The following AQP1 variants were observed in gnomAD, a reference collection of about 807,000 sequenced individuals.
AQP1 encodes the protein aquaporin-1.
In AQP1, 11 loss-of-function variants were observed where a neutral mutation model predicts 19.7. That is an observed-to-expected ratio of 0.56 (90% confidence interval 0.35 to 0.92). AQP1 has a LOEUF of 0.92. AQP1 is among the 40% of genes least tolerant of loss of function. The pLI is 0.01. For missense variants in AQP1, 320 were observed against 369.7 expected (o/e 0.87, Z 1.10); for synonymous variants, 159 against 166.7 (o/e 0.95, Z 0.36).
At chr7:30,914,940 A>C (rs1342085630) in intron 1 of AQP1, among the ~76,000 whole-genome samples, 2 of 152,156 alleles carry the variant, frequency 1.3e-5, no homozygotes, top group Non-Finnish European at 2.9e-5. Context: ...TAGTTCTAAG[A>C]GCCAAATACC....
At chr7:30,921,157 C>G (rs1448552623) in intron 1 of AQP1, 2 of 529,902 alleles carry the variant, frequency 3.8e-6, no homozygotes, top group African/African-American at 2.0e-5. Context: ...TGTGAGTGCA[C>G]TTAGCCCCTG....
In AQP1 at chr7:30,923,660, G is replaced by A; in HGVS notation, c.*31G>A. The stretch of plus-strand genomic sequence containing the variant: ...GTCTGGCCCGGGCATCCACGTAGGG[G>A]GCAGGGGCAGGGGCGGGCGGAGGGA... On this transcript the variant is annotated 3_prime_UTR_variant, in exon 4 of 4. Coordinates refer to ENST00000311813, the MANE Select transcript of AQP1 (RefSeq NM_198098.4). This position sits in a 1 kb window ranked among gnomAD's most constrained non-coding sequence, Gnocchi z 4.8. The A allele has an allele frequency of 1.3e-6, 2 of 1,580,732 alleles. No individual in the cohort carries two copies. Among genetic ancestry groups the A allele is most frequent in the South Asian group, 2.3e-5 (2 of 86,938 alleles).
At chr7:30,922,914 A>C (rs1162188353) in intron 3 of AQP1, among the ~76,000 whole-genome samples, 1 of 152,132 alleles carries the variant, frequency 6.6e-6, no homozygotes, top group African/African-American at 2.4e-5. Context: ...GGGGCTCCAA[A>C]TCCTGGCTCA....
At chr7:30,916,280 C>T (rs1791349016) in intron 1 of AQP1, among the ~76,000 whole-genome samples, 1 of 152,240 alleles carries the variant, frequency 6.6e-6, no homozygotes, top group Non-Finnish European at 1.5e-5. Flanking sequence ...GCCTTCCCTT[C>T]TCCACCCCAG....
In AQP1 at chr7:30,912,068, G is replaced by A. The variant is rs200596948; in HGVS notation, c.159G>A (p.Ser53=). Reference sequence around the variant, plus strand: ...CGGTCCAGGACAACGTGAAGGTGTCGCTGGCCTTCGGGCTGAGCATCGCCA... The same window carrying A: ...CGGTCCAGGACAACGTGAAGGTGTCACTGGCCTTCGGGCTGAGCATCGCCA... ...QTAVQDNVKV[S]LAFGLSIATL... The change falls in exon 1 of 4, where the codon TCG becomes TCA. Residue 53 remains serine, a synonymous_variant. Transcript: ENST00000311813. This position sits in a 1 kb window ranked among gnomAD's most constrained non-coding sequence, Gnocchi z 4.3. 39 of 1,613,430 alleles carry A rather than the reference G, an allele frequency of 2.4e-5. No individual in the cohort carries two copies. Among genetic ancestry groups the A allele is most frequent in the Non-Finnish European group, 3.1e-5 (36 of 1,180,040 alleles).
chr7:30,921,103 C>A (rs770780798), intron 1 of AQP1, among the ~76,000 whole-genome samples: 4 of 152,176 alleles, frequency 2.6e-5, no homozygotes, highest in Non-Finnish European at 4.4e-5. Flanking sequence ...CTCAAGTGGG[C>A]ATCTTTGCAA....
chr7:30,916,351 C>A (rs2128589150), intron 1 of AQP1, among the ~76,000 whole-genome samples: 1 of 152,356 alleles, frequency 6.6e-6, no homozygotes, highest in East Asian at 1.9e-4. Context: ...CAGATGGTAC[C>A]CCCACTTAGT....
chr7:30,921,638 T>C, intron 1 of AQP1: 1 of 1,550,754 alleles, frequency 6.4e-7, no homozygotes, highest in South Asian at 1.2e-5. Context: ...TGAAGCCGTG[T>C]CCCCTGCTGG....
In AQP1 at chr7:30,925,337, G is replaced by A. The variant is rs1791650635; in HGVS notation, c.*1708G>A. The A allele has an allele frequency of 6.6e-6, 1 of 152,254 alleles. No individual in the cohort carries two copies. Among genetic ancestry groups the A allele is most frequent in the Non-Finnish European group, 1.5e-5 (1 of 68,104 alleles). The allele number at this position is 152,254 out of a possible 1,614,324, so 9.4% of individuals were successfully genotyped here. A position where few individuals can be genotyped will look rare whatever the true frequency, so the allele number is the denominator to read the frequency against. On this transcript the variant is annotated 3_prime_UTR_variant, in exon 4 of 4. Transcript: ENST00000311813. ...GCTTCTCAGTTTCTGCCTGGGCAAT[G>A]GCCAGGGGCCAGGAGTGGGGAGAGT...
rs1243314680 is a variant in AQP1, at chr7:30,924,163, C to T, written c.*534C>T. 1.0e-5 allele frequency: 12 copies of T among 1,158,764 alleles called. No individual in the cohort carries two copies. Among genetic ancestry groups the T allele is most frequent in the Middle Eastern group, 3.9e-4 (1 of 2,572 alleles). The allele number at this position is 1,158,764 out of a possible 1,614,324, so 71.8% of individuals were successfully genotyped here. On this transcript the variant is annotated 3_prime_UTR_variant, in exon 4 of 4. Coordinates refer to ENST00000311813, the MANE Select transcript of AQP1 (RefSeq NM_198098.4). ...CTTGCTCCCAAGCCCCTGACCCGCT[C>T]GGACTTACTGCCTGACCTTGGAATC...
chr7:30,916,607 C>G (rs1319916279), intron 1 of AQP1, among the ~76,000 whole-genome samples: 4 of 152,246 alleles, frequency 2.6e-5, no homozygotes, highest in Non-Finnish European at 5.9e-5. Flanking sequence ...TTCACTCAGC[C>G]AGGAGCTACA....
At chr7:30,913,621 C>T (rs978627830) in intron 1 of AQP1, among the ~76,000 whole-genome samples, 13 of 152,136 alleles carry the variant, frequency 8.5e-5, no homozygotes, top group African/African-American at 2.9e-4. Context: ...CCAGGAGAGG[C>T]TAGGTGAAGG....
At chr7:30,913,356 A>G in intron 1 of AQP1, 1 of 152,500 alleles carries the variant, frequency 6.6e-6, no homozygotes, top group Non-Finnish European at 1.5e-5. Flanking sequence ...AGACTGGGGA[A>G]GGCTTGGAGG....
chr7:30,915,172 T>G (rs909018653), intron 1 of AQP1, among the ~76,000 whole-genome samples: 2 of 151,918 alleles, frequency 1.3e-5, no homozygotes, highest in African/African-American at 4.8e-5. Context: ...CTTTTTTCAT[T>G]CTTCTGCTGT....
intron 1 of AQP1, chr7:30,921,572 GC>G: frequency 6.5e-7 from 1 of 1,548,000 alleles, no homozygotes; most frequent in Non-Finnish European, 8.7e-7. Context: ...GGCCTCCTCA[GC>G]CCTGGAATTT....
rs536588464 is a variant in AQP1 at position 30,918,562 on chromosome 7, G to A, written c.385-3504G>A. 8.5e-5 allele frequency among the ~76,000 whole-genome samples: 13 copies of A among 152,296 alleles called. No homozygotes were observed. The South Asian group carries it at 2.7e-3, about 32-fold the overall frequency. Reference sequence around the variant, plus strand: ...GGAGGCACTGGGGTGGGCAGGGCAGGCCTCGATGTCTCCTATCCCTTGAGA... The same window carrying A: ...GGAGGCACTGGGGTGGGCAGGGCAGACCTCGATGTCTCCTATCCCTTGAGA... On this transcript the variant is annotated intron_variant, in intron 1 of 3. Transcript: ENST00000311813.
At position 30,912,481 on chromosome 7, in the gene AQP1, T is replaced by C. The variant is rs1791192669; in HGVS notation, c.384+188T>C. Among the ~76,000 whole-genome samples the C allele has an allele frequency of 6.6e-6, 1 of 152,204 alleles. No homozygotes were observed. The highest frequency in any genetic ancestry group is 1.5e-5 in the Non-Finnish European group (1 of 68,040). ...TCAGCTATGCATGCCTCCCAAAGCC[T>C]GTTTTCTGCCAGGCACTGTGGGAAG... is the stretch of plus-strand genomic sequence containing the variant. On this transcript the variant is annotated intron_variant, in intron 1 of 3. Coordinates refer to ENST00000311813, the MANE Select transcript of AQP1 (RefSeq NM_198098.4). The surrounding 1 kb of genome is among the most constrained non-coding windows in gnomAD (Gnocchi z 4.3).
intron 1 of AQP1, among the ~76,000 whole-genome samples, chr7:30,915,803 C>G (rs1336823321): frequency 6.6e-6 from 1 of 152,146 alleles, no homozygotes; most frequent in African/African-American, 2.4e-5. Flanking sequence ...TCAGTTTCCC[C>G]AGTCATAGAG....
At chr7:30,916,230 C>T (rs1006090872) in intron 1 of AQP1, among the ~76,000 whole-genome samples, 26 of 152,230 alleles carry the variant, frequency 1.7e-4, no homozygotes, top group Non-Finnish European at 7.4e-5. Flanking sequence ...GGCTCACCCC[C>T]TGCTCACCAC....
Sources: allele counts gnomAD v4.1 joint callset (sites outside exome capture counted in the v4.1 genomes callset), GRCh38; gene constraint gnomAD v4.1.1; non-coding constraint Gnocchi (gnomAD v3.1); transcripts MANE v1.5; gene names NCBI Gene and HGNC (gene_info 2026-07-23, HGNC 2026-07-21).